Variants in SMARCAD1 observed in about 807,000 individuals in gnomAD.
SMARCAD1 encodes the protein SWI/SNF-related matrix-associated actin-dependent regulator of chromatin subfamily A containing DEAD/H box 1.
Under a neutral mutation model 127.1 loss-of-function variants are expected in SMARCAD1, and 25 were observed. The ratio of observed to expected loss-of-function variants is 0.20; its 90% CI spans 0.14 to 0.27. SMARCAD1 has a LOEUF of 0.27. Ranked by LOEUF, SMARCAD1 falls within the 10% of genes least tolerant of loss-of-function variation. The probability of loss-of-function intolerance (pLI) is 1.00; values close to 1 mark genes in which losing one functional copy is unlikely to be tolerated. For synonymous variants in SMARCAD1, 400 were observed against 396.9 expected (o/e 1.01, Z -0.09); for missense variants, 807 against 1,206.0 (o/e 0.67, Z 4.90).
At chr4:94,239,423 C>G (rs533560751) in intron 5 of SMARCAD1, among the ~76,000 whole-genome samples, 2 of 75,470 alleles carry the variant, frequency 2.7e-5, no homozygotes, top group Non-Finnish European at 5.0e-5. Context: ...TGTTTTTATG[C>G]TGTTTGTTTT....
intron 2 of SMARCAD1, among the ~76,000 whole-genome samples, chr4:94,223,394 G>A (rs1744467584): frequency 6.6e-6 from 1 of 151,998 alleles, no homozygotes; most frequent in African/African-American, 2.4e-5. Context: ...TCAGGAGGCT[G>A]AGGCAGAAGA....
At chr4:94,276,814 A>G (rs1753373539) in intron 15 of SMARCAD1, among the ~76,000 whole-genome samples, 1 of 152,224 alleles carries the variant, frequency 6.6e-6, no homozygotes, top group African/African-American at 2.4e-5. Context: ...CCTACTTATA[A>G]AAGAAGACCA....
At chr4:94,276,907 T>A in intron 15 of SMARCAD1, 115 bp from the exon 16 acceptor site, 2 of 1,070,170 alleles carry the variant, frequency 1.9e-6, no homozygotes, top group East Asian at 5.1e-5. Context: ...AATGTTAAAT[T>A]ATTAATAATG....
chr4:94,235,640 ATTTT>A (rs761940704), intron 4 of SMARCAD1, among the ~76,000 whole-genome samples: 3 of 134,236 alleles, frequency 2.2e-5, no homozygotes, highest in Non-Finnish European at 4.8e-5. Context: ...GCTAATGTGA[ATTTT>A]TTTTTTTTTT....
At chr4:94,275,796 C>CTTTTTTTTTTTTTTTTTTTTTTTT (rs535710589) in intron 14 of SMARCAD1, among the ~76,000 whole-genome samples, 1 of 85,412 alleles carries the variant, frequency 1.2e-5, no homozygotes, top group African/African-American at 3.7e-5. Flanking sequence ...TTAACATTTT[C>CTTTTTTTTTTTTTTTTTTTTTTTT]TTTTTTTTTT....
chr4:94,211,239 T>C (rs1742204719), intron 2 of SMARCAD1, among the ~76,000 whole-genome samples: 1 of 152,166 alleles, frequency 6.6e-6, no homozygotes, highest in South Asian at 2.1e-4. Context: ...GCCATTGCAC[T>C]CCAGCCTGGG....
intron 4 of SMARCAD1, among the ~76,000 whole-genome samples, chr4:94,236,303 G>A (rs1163571636): frequency 6.6e-6 from 1 of 151,912 alleles, no homozygotes; most frequent in Non-Finnish European, 1.5e-5. Flanking sequence ...GAAAAATAGG[G>A]GATTTTAGTT....
chr4:94,270,965 G>T, intron 11 of SMARCAD1, 147 bp downstream of exon 11: 2 of 679,634 alleles, frequency 2.9e-6, no homozygotes, highest in South Asian at 1.6e-5. Flanking sequence ...CTTTGTTTTT[G>T]ATAGAGTTAG....
intron 9 of SMARCAD1, 151 bp downstream of exon 9, chr4:94,253,158 G>A: frequency 6.6e-7 from 1 of 1,524,666 alleles, no homozygotes; most frequent in Non-Finnish European, 8.9e-7. Flanking sequence ...TAAGCCAATA[G>A]TATTTCAAAT....
intron 4 of SMARCAD1, among the ~76,000 whole-genome samples, chr4:94,235,030 A>T (rs773107646): frequency 6.6e-6 from 1 of 152,158 alleles, no homozygotes; most frequent in Non-Finnish European, 1.5e-5. Context: ...TAAAGCCATA[A>T]GGCTGGATTT....
In SMARCAD1 at chr4:94,226,222, T is replaced by G. The variant is rs201116246; in HGVS notation, c.294T>G (p.Ser98Arg). Residue 98 changes from serine to arginine, a missense_variant, in exon 3 of 24, where the codon AGT (serine) becomes AGG (arginine). This residue lies in a region of SMARCAD1 where 175 missense variants were observed against 169.5 expected (regional missense o/e 1.03). Coordinates refer to ENST00000354268, the MANE Select transcript of SMARCAD1 (RefSeq NM_020159.5). ...GIQYIDLSSD[S>R]EDVVSPNCSN... ...AGTATATTGATTTGTCTTCTGATAG[T>G]GAAGATGTCGTTTCCCCAAATTGCT... 6.2e-7 allele frequency: 1 copy of G among 1,613,096 alleles called. No homozygotes were observed. The highest frequency in any genetic ancestry group is 1.3e-5 in the African/African-American group (1 of 74,884).
intron 9 of SMARCAD1, among the ~76,000 whole-genome samples, chr4:94,256,637 A>G (rs1750131556): frequency 1.3e-5 from 2 of 152,218 alleles, no homozygotes; most frequent in Admixed American, 1.3e-4. Flanking sequence ...TGCCGGGGTT[A>G]CAGGCGTGAG....
chr4:94,248,713 C>T (rs867636117), intron 6 of SMARCAD1, among the ~76,000 whole-genome samples: 9 of 152,174 alleles, frequency 5.9e-5, no homozygotes, highest in African/African-American at 2.2e-4. Flanking sequence ...TTATGAAACA[C>T]ATGCAATTTT....
chr4:94,218,086 CTT>C (rs1743486376), intron 2 of SMARCAD1, among the ~76,000 whole-genome samples: 1 of 152,078 alleles, frequency 6.6e-6, no homozygotes, highest in African/African-American at 2.4e-5. Flanking sequence ...ATATTTGTCT[CTT>C]GACTCTTTGC....
At chr4:94,208,701 T>C in intron 2 of SMARCAD1, 117 bp downstream of exon 2, 9 of 1,017,976 alleles carry the variant, frequency 8.8e-6, no homozygotes, top group Non-Finnish European at 1.3e-5. Flanking sequence ...TGTCCTGCGG[T>C]GTGCCCTTTT....
At chr4:94,224,550 T>A (rs1224057986) in intron 2 of SMARCAD1, among the ~76,000 whole-genome samples, 1 of 152,218 alleles carries the variant, frequency 6.6e-6, no homozygotes. Context: ...TTTCCACTCT[T>A]GGAGTCATGT....
chr4:94,281,002 G>A (rs2125998943), intron 20 of SMARCAD1, among the ~76,000 whole-genome samples: 1 of 152,142 alleles, frequency 6.6e-6, no homozygotes, highest in Non-Finnish European at 1.5e-5. Flanking sequence ...TATCTGTATT[G>A]ATGTTTTAAA....
intron 23 of SMARCAD1, among the ~76,000 whole-genome samples, chr4:94,287,109 C>T (rs971079945): frequency 3.3e-5 from 5 of 152,040 alleles, no homozygotes; most frequent in African/African-American, 1.2e-4. Context: ...CGTGAGCCAC[C>T]GCGCCTGGCC....
intron 5 of SMARCAD1, among the ~76,000 whole-genome samples, chr4:94,238,108 T>G (rs1228075706): frequency 2.0e-5 from 3 of 152,168 alleles, no homozygotes; most frequent in Non-Finnish European, 4.4e-5. Flanking sequence ...CCAATAATTA[T>G]CCACCTCATT....
Sources: gnomAD v4.1 joint callset for allele counts (sites outside exome capture counted in the v4.1 genomes callset) on GRCh38, gnomAD v4.1.1 for gene constraint, gnomAD v4.1.1 regional missense constraint, MANE v1.5 for transcripts, NCBI Gene and HGNC (gene_info 2026-07-23, HGNC 2026-07-21) for gene names.